CALB1: variants seen among roughly 807,000 people sequenced by gnomAD.
The protein encoded by CALB1 is calbindin 1.
Under a neutral mutation model 46.7 loss-of-function variants are expected in CALB1, and 16 were observed. That is an observed-to-expected ratio of 0.34 (90% CI 0.23 to 0.52). CALB1 has a LOEUF of 0.52. Among genes scored for constraint, CALB1 ranks in the 20% least tolerant of loss-of-function variants. The pLI is 0.95. For missense variants in CALB1, 224 were observed against 300.3 expected (o/e 0.75, Z 1.88); for synonymous variants, 90 against 112.8 (o/e 0.80, Z 1.28).
At position 90,059,385 on chromosome 8, in the gene CALB1, T is replaced by C. The variant is rs1445165368; in HGVS notation, c.*788A>G. 1 of 152,596 alleles carries C rather than the reference T, an allele frequency of 6.6e-6. No individual in the cohort carries two copies. The highest frequency in any genetic ancestry group is 1.9e-4 in the East Asian group (1 of 5,192). The allele number at this position is 152,596 out of a possible 1,614,324, so 9.5% of individuals were successfully genotyped here. ...AAACTAGACACCAGGATATGCAGTATATTAAATTTAATCAGAGATTACACA... is the reference window on the plus strand; with the variant it reads ...AAACTAGACACCAGGATATGCAGTACATTAAATTTAATCAGAGATTACACA... On this transcript the variant is annotated 3_prime_UTR_variant, in exon 11 of 11. Transcript: ENST00000265431.
intron 3 of CALB1, among the ~76,000 whole-genome samples, chr8:90,072,457 A>G (rs1814542725): frequency 6.6e-6 from 1 of 152,222 alleles, no homozygotes; most frequent in Non-Finnish European, 1.5e-5. Flanking sequence ...TTAATGTTAC[A>G]CTCAACATGA....
Position 90,059,456 on chromosome 8 carries a change from T to G in CALB1, c.*717A>C, listed in dbSNP as rs1191201464. ...GTTGACTAGAATAATTTGCAACACA[T>G]GAAAACAGTTTAGAAAATGGATTTA... On this transcript the variant is annotated 3_prime_UTR_variant, in exon 11 of 11. Transcript: ENST00000265431. 1 of 152,580 alleles carries G rather than the reference T, an allele frequency of 6.6e-6. No individual in the cohort carries two copies. Among genetic ancestry groups the G allele is most frequent in the Non-Finnish European group, 1.5e-5 (1 of 68,028 alleles). 9.5% of individuals were successfully genotyped at this position (152,580 alleles called of 1,614,324 possible).
chr8:90,066,112 G>A (rs1740149070), intron 5 of CALB1, 137 bp from the exon 6 acceptor site: 2 of 625,770 alleles, frequency 3.2e-6, no homozygotes, highest in Non-Finnish European at 5.7e-6. Flanking sequence ...GTGAGTAGAG[G>A]AACTTATAAT....
chr8:90,080,852 G>C (rs188986700), intron 2 of CALB1, among the ~76,000 whole-genome samples: 1 of 151,978 alleles, frequency 6.6e-6, no homozygotes, highest in Non-Finnish European at 1.5e-5. Flanking sequence ...AGGGCAAAAA[G>C]TTCTATTATT....
chr8:90,071,207 G>A (rs1805909), intron 3 of CALB1, among the ~76,000 whole-genome samples: 130 of 152,230 alleles, frequency 8.5e-4, no homozygotes, highest in Non-Finnish European at 1.4e-3. Context: ...ATTTTTACAC[G>A]TGACAATGAG....
At chr8:90,082,422 C>A in intron 1 of CALB1, 197 bp downstream of exon 1, 1 of 619,680 alleles carries the variant, frequency 1.6e-6, no homozygotes, top group Non-Finnish European at 2.9e-6. Context: ...TTTGGGATTA[C>A]GGTGGAAACA....
At chr8:90,071,714 A>G (rs927607335) in intron 3 of CALB1, among the ~76,000 whole-genome samples, 1 of 152,200 alleles carries the variant, frequency 6.6e-6, no homozygotes, top group African/African-American at 2.4e-5. Flanking sequence ...GATGTTATGT[A>G]TACATTTTGG....
chr8:90,068,611 G>A (rs1254007325), intron 5 of CALB1, among the ~76,000 whole-genome samples: 1 of 152,052 alleles, frequency 6.6e-6, no homozygotes, highest in African/African-American at 2.4e-5. Flanking sequence ...TAAAGTAGTT[G>A]GCATACAGTA....
intron 2 of CALB1, among the ~76,000 whole-genome samples, chr8:90,080,726 G>T (rs945252420): frequency 1.3e-4 from 19 of 151,874 alleles, no homozygotes; most frequent in African/African-American, 4.3e-4. Context: ...AATCAATTTG[G>T]TCAATGATTT....
rs1814283897 is a variant in CALB1, at chr8:90,060,789, A to G, written c.601-89T>C. Reference sequence around the variant, plus strand: ...AAATGGAAATAATTGGAATCCTTAGAAAGTCTCCCAACTGCATACTTGGCA... The same window carrying G: ...AAATGGAAATAATTGGAATCCTTAGGAAGTCTCCCAACTGCATACTTGGCA... On this transcript the variant is annotated intron_variant, in intron 9 of 10. Coordinates refer to ENST00000265431, the MANE Select transcript of CALB1 (RefSeq NM_004929.4). The G allele has an allele frequency of 2.8e-6, 3 of 1,083,372 alleles. No individual in the cohort carries two copies. The Admixed American group carries it at 5.3e-5, about 19-fold the overall frequency. The allele number at this position is 1,083,372 out of a possible 1,614,324, so 67.1% of individuals were successfully genotyped here.
At position 90,069,253 on chromosome 8, in the gene CALB1, GA is replaced by G. The variant is rs745746178; in HGVS notation, c.232-17del. 6.2e-7 allele frequency: 1 copy of G among 1,603,836 alleles called. No homozygotes were observed. Among genetic ancestry groups the G allele is most frequent in the Admixed American group, 1.7e-5 (1 of 59,976 alleles). ...CGTGAGCCAACTGGAAAAGATTTAA[GA>G]AGAGAGAAACGTGTTGTAAGTTGCT... On this transcript the variant is annotated splice_polypyrimidine_tract_variant and intron_variant, in intron 3 of 10. Transcript: ENST00000265431.
At chr8:90,080,117 TC>T (rs1248936221) in intron 2 of CALB1, among the ~76,000 whole-genome samples, 2 of 151,916 alleles carry the variant, frequency 1.3e-5, no homozygotes, top group African/African-American at 4.8e-5. Context: ...GTATTTACAT[TC>T]CAGAAAAATG....
chr8:90,067,120 A>T (rs1814414337), intron 5 of CALB1, among the ~76,000 whole-genome samples: 1 of 152,036 alleles, frequency 6.6e-6, no homozygotes, highest in African/African-American at 2.4e-5. Flanking sequence ...TTTGTCAGAG[A>T]TTAATTGGGT....
In CALB1 at chr8:90,082,864, C is replaced by T; in HGVS notation, c.-167G>A. 3.1e-6 allele frequency: 2 copies of T among 651,146 alleles called. No individual in the cohort carries two copies. The highest frequency in any genetic ancestry group is 2.8e-6 in the Non-Finnish European group (1 of 355,846). 40.3% of individuals were successfully genotyped at this position (651,146 alleles called of 1,614,324 possible). Reference sequence around the variant, plus strand: ...CGGTGCTGCTCAGCTCAGCGTTCCTCCAGAGTTCTCTCCCTACACCCCGCA... The same window carrying T: ...CGGTGCTGCTCAGCTCAGCGTTCCTTCAGAGTTCTCTCCCTACACCCCGCA... On this transcript the variant is annotated 5_prime_UTR_variant, in exon 1 of 11. Coordinates refer to ENST00000265431, the MANE Select transcript of CALB1 (RefSeq NM_004929.4).
At position 90,059,939 on chromosome 8, in the gene CALB1, G is replaced by T; in HGVS notation, c.*234C>A. ...AAGAATATGTTATTTTTTAAAATTG[G>T]GTGTACTGACTGGCCTAAGCATAGA... On this transcript the variant is annotated 3_prime_UTR_variant, in exon 11 of 11. Transcript: ENST00000265431. The T allele has an allele frequency of 2.6e-6, 1 of 386,606 alleles. No individual in the cohort carries two copies. Among genetic ancestry groups the T allele is most frequent in the Admixed American group, 4.2e-5 (1 of 23,674 alleles). The allele number at this position is 386,606 out of a possible 1,614,324, so 23.9% of individuals were successfully genotyped here.
chr8:90,080,258 C>T (rs913826534), intron 2 of CALB1, among the ~76,000 whole-genome samples: 1 of 151,712 alleles, frequency 6.6e-6, no homozygotes, highest in Non-Finnish European at 1.5e-5. Flanking sequence ...AATTCTAAAT[C>T]TCCAACATGA....
intron 5 of CALB1, among the ~76,000 whole-genome samples, chr8:90,067,363 AAAG>A (rs1454238510): frequency 2.0e-5 from 3 of 152,180 alleles, no homozygotes; most frequent in Admixed American, 2.0e-4. Context: ...AATTTAGAAC[AAAG>A]AAGGAGGCTT....
intron 2 of CALB1, among the ~76,000 whole-genome samples, chr8:90,079,815 C>T (rs1489653749): frequency 6.6e-6 from 1 of 151,904 alleles, no homozygotes; most frequent in Non-Finnish European, 1.5e-5. Flanking sequence ...ATGTTATATT[C>T]ACCTAGTGAA....
intron 9 of CALB1, chr8:90,060,940 TACAC>T (rs1451478294): frequency 2.0e-6 from 1 of 488,424 alleles, no homozygotes; most frequent in East Asian, 3.6e-5. Context: ...TCAAAGTACT[TACAC>T]ATGTAATTCA....
Sources: allele counts gnomAD v4.1 joint callset (sites outside exome capture counted in the v4.1 genomes callset), GRCh38; gene constraint gnomAD v4.1.1; transcripts MANE v1.5; gene names NCBI Gene and HGNC (gene_info 2026-07-23, HGNC 2026-07-21).